Variants in SMOC1 observed in about 807,000 individuals in gnomAD.
SMOC1 encodes the protein SPARC related modular calcium binding 1, also known as SPARC-related modular calcium-binding protein 1.
A neutral mutation model predicts 56.3 loss-of-function variants in SMOC1; 22 were observed. The ratio of observed to expected loss-of-function variants is 0.39; its 90% CI spans 0.28 to 0.56. The LOEUF is 0.56. Ranked by LOEUF, SMOC1 falls within the 20% of genes least tolerant of loss-of-function variation. The probability of loss-of-function intolerance (pLI) is 0.61; values close to 1 mark genes in which losing one functional copy is unlikely to be tolerated. For synonymous variants in SMOC1, 193 were observed against 215.0 expected (o/e 0.90, Z 0.89); for missense variants, 509 against 565.4 (o/e 0.90, Z 1.01).
At chr14:69,971,764 C>A (rs1477299515) in intron 3 of SMOC1, among the ~76,000 whole-genome samples, 1 of 152,224 alleles carries the variant, frequency 6.6e-6, no homozygotes. Context: ...GATCGCTTTT[C>A]TGCAAGAAAC....
intron 2 of SMOC1, among the ~76,000 whole-genome samples, chr14:69,952,697 T>A (rs2139439573): frequency 6.6e-6 from 1 of 152,338 alleles, no homozygotes; most frequent in Non-Finnish European, 1.5e-5. Context: ...TGGGATAACA[T>A]TTAAAAATTG....
intron 1 of SMOC1, among the ~76,000 whole-genome samples, chr14:69,880,084 C>T (rs1883594623): frequency 6.6e-6 from 1 of 151,866 alleles, no homozygotes. Flanking sequence ...CCTCCTGCGT[C>T]GGAGAGAAGC....
At chr14:70,028,760 C>G (rs1038882279) in intron 11 of SMOC1, among the ~76,000 whole-genome samples, 8 of 152,228 alleles carry the variant, frequency 5.3e-5, no homozygotes, top group Non-Finnish European at 2.9e-5. Context: ...TTCCCACCTG[C>G]CTGCCTTGGG....
At chr14:69,932,534 ATT>A (rs1885194296) in intron 1 of SMOC1, among the ~76,000 whole-genome samples, 1 of 152,302 alleles carries the variant, frequency 6.6e-6, no homozygotes, top group East Asian at 1.9e-4. Context: ...TTTCGGTGCC[ATT>A]TGGGCTTCAG....
intron 1 of SMOC1, among the ~76,000 whole-genome samples, chr14:69,893,831 C>A (rs1884026277): frequency 1.3e-5 from 2 of 152,072 alleles, no homozygotes; most frequent in African/African-American, 4.8e-5. Context: ...GAGATAGGGC[C>A]TTGATGAAAC....
Position 69,936,348 on chromosome 14 carries a change from A to G in SMOC1, c.100-15790A>G, listed in dbSNP as rs558259016. Among the ~76,000 whole-genome samples the G allele has an allele frequency of 2.6e-5, 4 of 152,310 alleles. No homozygotes were observed. The East Asian group carries it at 7.7e-4, about 29-fold the overall frequency. ...TCTGTGTCATCTGAGCTGAAGAGGG[A>G]GACTACGTGGTGAGGATGCAGTTGC... On this transcript the variant is annotated intron_variant, in intron 1 of 11. Coordinates refer to ENST00000361956, the MANE Select transcript of SMOC1 (RefSeq NM_001034852.3).
At position 69,963,269 on chromosome 14, in the gene SMOC1, T is replaced by C. The variant is rs1030611523; in HGVS notation, c.378+9737T>C. On this transcript the variant is annotated intron_variant, in intron 3 of 11. Coordinates refer to ENST00000361956, the MANE Select transcript of SMOC1 (RefSeq NM_001034852.3). ...GCACAGGAACCTGTAGCCTGTGCTG[T>C]GGTCCTAGGTTTGGAGACAATGTCA... Among the ~76,000 whole-genome samples the C allele has an allele frequency of 3.9e-5, 6 of 152,280 alleles. No individual in the cohort carries two copies. The East Asian group carries it at 1.2e-3, about 29-fold the overall frequency.
intron 3 of SMOC1, among the ~76,000 whole-genome samples, chr14:69,961,316 A>C (rs1236121144): frequency 2.7e-4 from 30 of 112,924 alleles, no homozygotes; most frequent in East Asian, 1.5e-3. Context: ...ATATATATAT[A>C]TATCCTGTTT....
intron 1 of SMOC1, among the ~76,000 whole-genome samples, chr14:69,900,434 G>T (rs1884213160): frequency 6.6e-6 from 1 of 152,226 alleles, no homozygotes; most frequent in Admixed American, 6.5e-5. Flanking sequence ...AACAGGGAAC[G>T]AGATAGTCCC....
chr14:69,919,996 A>C (rs1158476519), intron 1 of SMOC1, among the ~76,000 whole-genome samples: 1 of 146,558 alleles, frequency 6.8e-6, no homozygotes, highest in East Asian at 2.1e-4. Flanking sequence ...GCCATCATCC[A>C]TTAGTCTCCT....
At chr14:70,018,104 C>T (rs1041534456) in intron 10 of SMOC1, among the ~76,000 whole-genome samples, 1 of 152,050 alleles carries the variant, frequency 6.6e-6, no homozygotes, top group African/African-American at 2.4e-5. Flanking sequence ...CAGCTGGTGC[C>T]AGGCCCTGGG....
chr14:69,910,697 A>G (rs945018679), intron 1 of SMOC1, among the ~76,000 whole-genome samples: 3 of 151,960 alleles, frequency 2.0e-5, no homozygotes, highest in African/African-American at 7.3e-5. Flanking sequence ...GGGTCAAGAG[A>G]GACAGACTGT....
intron 7 of SMOC1, among the ~76,000 whole-genome samples, chr14:70,004,325 C>T (rs1885074418): frequency 6.6e-6 from 1 of 152,330 alleles, no homozygotes; most frequent in South Asian, 2.1e-4. Flanking sequence ...GGCCATCCTG[C>T]CCAGTTGTTT....
intron 2 of SMOC1, 86 bp from the exon 3 acceptor site, chr14:69,953,334 G>T (rs894436777): frequency 4.0e-6 from 5 of 1,248,870 alleles, no homozygotes; most frequent in Non-Finnish European, 5.9e-6. Context: ...TCCCGCACAG[G>T]TGGAGTGGTT....
intron 3 of SMOC1, among the ~76,000 whole-genome samples, chr14:69,974,185 G>A (rs1326500149): frequency 6.6e-6 from 1 of 152,172 alleles, no homozygotes; most frequent in Non-Finnish European, 1.5e-5. Context: ...ACGATCTTGA[G>A]AGGGGGGAGT....
chr14:70,005,667 G>A (rs1885126334), intron 7 of SMOC1, among the ~76,000 whole-genome samples: 1 of 152,146 alleles, frequency 6.6e-6, no homozygotes, highest in Non-Finnish European at 1.5e-5. Context: ...GGCAGTCAGA[G>A]GTTTGTCAGT....
Position 69,953,441 on chromosome 14 carries a change from G to T in SMOC1, c.287G>T (p.Arg96Leu), listed in dbSNP as rs769894716. ...RCKDAGQSKC[R>L]LERAQALEQA... ...TCAGATGCTGGCCAGAGCAAGTGTC[G>T]CCTGGAGCGGGCTCAAGCCCTGGAG... Residue 96 changes from arginine to leucine, a missense_variant, in exon 3 of 12, where the codon CGC (arginine) becomes CTC (leucine). By Grantham distance (102) the Arg-to-Leu change is moderately radical (BLOSUM62 -2). Coordinates refer to ENST00000361956, the MANE Select transcript of SMOC1 (RefSeq NM_001034852.3). 1.2e-6 allele frequency: 2 copies of T among 1,614,198 alleles called. No homozygotes were observed. The highest frequency in any genetic ancestry group is 1.7e-5 in the Admixed American group (1 of 60,036).
chr14:69,954,289 C>T (rs1381813791), intron 3 of SMOC1, among the ~76,000 whole-genome samples: 1 of 152,128 alleles, frequency 6.6e-6, no homozygotes, highest in Non-Finnish European at 1.5e-5. Flanking sequence ...AGCAATCCTT[C>T]CACCCACACC....
intron 1 of SMOC1, among the ~76,000 whole-genome samples, chr14:69,931,717 G>C (rs1885170391): frequency 6.6e-6 from 1 of 152,208 alleles, no homozygotes; most frequent in South Asian, 2.1e-4. Context: ...AAAAATAAGA[G>C]AAGATTCTCC....
Sources: gnomAD v4.1 joint callset for allele counts (sites outside exome capture counted in the v4.1 genomes callset) on GRCh38, gnomAD v4.1.1 for gene constraint, MANE v1.5 for transcripts, NCBI Gene and HGNC (gene_info 2026-07-23, HGNC 2026-07-21) for gene names.